Variants in LHFPL4 observed in about 807,000 individuals in gnomAD.
LHFPL4 encodes LHFPL tetraspan subfamily member 4 protein.
LHFPL4 carries 6 observed loss-of-function variants against 20.0 expected under a neutral mutation model. The observed-to-expected ratio is 0.30, with a 90% CI of 0.16 to 0.59. The LOEUF (loss-of-function observed/expected upper bound fraction) is 0.59, where lower values mean the gene tolerates loss of function less well. LHFPL4 is among the 20% of genes least tolerant of loss of function. The probability of loss-of-function intolerance (pLI) is 0.88; values close to 1 mark genes in which losing one functional copy is unlikely to be tolerated. For synonymous variants in LHFPL4, 129 were observed against 143.8 expected (o/e 0.90, Z 0.74); for missense variants, 215 against 331.2 (o/e 0.65, Z 2.72).
At chr3:9,545,888 A>G (rs2046508743) in intron 2 of LHFPL4, among the ~76,000 whole-genome samples, 1 of 150,092 alleles carries the variant, frequency 6.7e-6, no homozygotes, top group Admixed American at 6.6e-5. Context: ...CAGCCTGGAC[A>G]ACAGAGCCAG....
At position 9,500,428 on chromosome 3, in the gene LHFPL4, G is replaced by T. The variant is rs1448468843; in HGVS notation, c.*1783C>A. 1.3e-5 allele frequency: 2 copies of T among 152,564 alleles called. No homozygotes were observed. The allele number at this position is 152,564 out of a possible 1,614,324, so 9.5% of individuals were successfully genotyped here. Reference sequence around the variant, plus strand: ...TGCGGGGAGGCTTTGCCCGGGAGGAGTAAGTGGAGGAGTGAAGTCGGGACT... The same window carrying T: ...TGCGGGGAGGCTTTGCCCGGGAGGATTAAGTGGAGGAGTGAAGTCGGGACT... On this transcript the variant is annotated 3_prime_UTR_variant, in exon 4 of 4. Transcript: ENST00000287585.
chr3:9,501,942 G>T lies in LHFPL4; in HGVS notation c.*269C>A. 2.1e-6 allele frequency: 1 copy of T among 479,920 alleles called. No individual in the cohort carries two copies. 29.7% of individuals were successfully genotyped at this position (479,920 alleles called of 1,614,324 possible). A position where few individuals can be genotyped will look rare whatever the true frequency, so the allele number is the denominator to read the frequency against. ...CCAGGCCAGTCTAGAGAGGAGAGGA[G>T]AAGCCCAAGGGCCTACGCAGATGCA... On this transcript the variant is annotated 3_prime_UTR_variant, in exon 4 of 4. Coordinates refer to ENST00000287585, the MANE Select transcript of LHFPL4 (RefSeq NM_198560.3).
chr3:9,543,730 T>TG lies in LHFPL4; in HGVS notation c.406+8543_406+8544insC, dbSNP rs1457169827. ...GTGATTTGTTTGTTTTTGGTTTTGG[T>TG]TTTTTTTTTTTTTTTTTTGAGTCAA... On this transcript the variant is annotated intron_variant, in intron 2 of 3. Transcript: ENST00000287585. 2.1e-3 allele frequency among the ~76,000 whole-genome samples: 3 copies of TG among 1,396 alleles called. No homozygotes were observed. The African/African-American group carries it at 0.054, about 25-fold the overall frequency. 0.9% of individuals were successfully genotyped at this position (1,396 alleles called of 152,430 possible).
intron 2 of LHFPL4, among the ~76,000 whole-genome samples, chr3:9,529,496 A>T (rs2046395997): frequency 6.6e-6 from 1 of 152,150 alleles, no homozygotes; most frequent in Non-Finnish European, 1.5e-5. Flanking sequence ...TTACTCCTTG[A>T]CTCATGGGCT....
intron 2 of LHFPL4, among the ~76,000 whole-genome samples, chr3:9,514,976 T>G (rs1263281790): frequency 6.6e-6 from 1 of 152,286 alleles, no homozygotes; most frequent in African/African-American, 2.4e-5. Flanking sequence ...TATGTGGAGG[T>G]TTTGGTGTAG....
At chr3:9,548,672 C>T (rs573780144) in intron 2 of LHFPL4, among the ~76,000 whole-genome samples, 1 of 152,316 alleles carries the variant, frequency 6.6e-6, no homozygotes, top group Admixed American at 6.5e-5. Flanking sequence ...TTGTCTTGCC[C>T]ATGCTACCCC....
intron 3 of LHFPL4, among the ~76,000 whole-genome samples, chr3:9,502,906 G>A (rs962190901): frequency 1.3e-5 from 2 of 152,120 alleles, no homozygotes; most frequent in African/African-American, 4.8e-5. Flanking sequence ...GACAGCCAAG[G>A]ACTTGGCAGT....
chr3:9,505,998 C>T lies in LHFPL4; in HGVS notation c.612G>A (p.Leu204=). 14 of 1,614,232 alleles carry T rather than the reference C, an allele frequency of 8.7e-6. No homozygotes were observed. Among genetic ancestry groups the T allele is most frequent in the Non-Finnish European group, 1.2e-5 (14 of 1,180,042 alleles). ...TCTCCGGCTTGAGCTCCTCCTGCAGCAGGTCTGTTTGCCGGTTGCCCAGCA... is the reference window on the plus strand; with the variant it reads ...TCTCCGGCTTGAGCTCCTCCTGCAGTAGGTCTGTTTGCCGGTTGCCCAGCA... ...AFVLGNRQTD[L]LQEELKPENK... is the part of the protein sequence containing the mutation. The change falls in exon 3 of 4, where the codon CTG becomes CTA. Residue 204 remains leucine, a synonymous_variant. Coordinates refer to ENST00000287585, the MANE Select transcript of LHFPL4 (RefSeq NM_198560.3).
At chr3:9,535,112 G>A (rs1282458447) in intron 2 of LHFPL4, among the ~76,000 whole-genome samples, 3 of 152,150 alleles carry the variant, frequency 2.0e-5, no homozygotes, top group African/African-American at 7.2e-5. Flanking sequence ...AGTATACTGA[G>A]GAAGGTTTAA....
At chr3:9,546,907 G>C (rs755534855) in intron 2 of LHFPL4, among the ~76,000 whole-genome samples, 3 of 152,224 alleles carry the variant, frequency 2.0e-5, no homozygotes, top group Non-Finnish European at 2.9e-5. Flanking sequence ...GAGAAACTGA[G>C]ATTCAGAGAG....
At chr3:9,530,803 C>T (rs918366585) in intron 2 of LHFPL4, among the ~76,000 whole-genome samples, 1 of 151,972 alleles carries the variant, frequency 6.6e-6, no homozygotes, top group East Asian at 1.9e-4. Flanking sequence ...TACTATGTTG[C>T]CCAGGCTGGT....
intron 2 of LHFPL4, among the ~76,000 whole-genome samples, chr3:9,509,732 A>C (rs1245410518): frequency 6.6e-6 from 1 of 152,240 alleles, no homozygotes; most frequent in Non-Finnish European, 1.5e-5. Flanking sequence ...GGGAAATATC[A>C]GAAGTCAAAC....
At position 9,499,091 on chromosome 3, in the gene LHFPL4, G is replaced by A. The variant is rs937467895; in HGVS notation, c.*3120C>T. 1 of 153,516 alleles carries A rather than the reference G, an allele frequency of 6.5e-6. No homozygotes were observed. The highest frequency in any genetic ancestry group is 6.5e-5 in the Admixed American group (1 of 15,286). 9.5% of individuals were successfully genotyped at this position (153,516 alleles called of 1,614,324 possible). ...ACAGTTAGGGGGGTCACAGTTAGGG[G>A]GGGACTTCTCTTGGGACCTGAAGCC... On this transcript the variant is annotated 3_prime_UTR_variant, in exon 4 of 4. Coordinates refer to ENST00000287585, the MANE Select transcript of LHFPL4 (RefSeq NM_198560.3).
chr3:9,516,834 C>T (rs551117345), intron 2 of LHFPL4, among the ~76,000 whole-genome samples: 203 of 134,918 alleles, frequency 1.5e-3, no homozygotes, highest in African/African-American at 5.7e-3. Context: ...GGCTGGAGTG[C>T]AGTAGCTCAA....
chr3:9,545,966 T>C (rs946079428), intron 2 of LHFPL4, among the ~76,000 whole-genome samples: 21 of 151,920 alleles, frequency 1.4e-4, no homozygotes, highest in African/African-American at 4.6e-4. Context: ...TTCTATGCCA[T>C]AGTGATGGGA....
At chr3:9,550,468 G>A (rs998323390) in intron 2 of LHFPL4, 2 of 152,172 alleles carry the variant, frequency 1.3e-5, no homozygotes, top group Admixed American at 6.5e-5. Flanking sequence ...AGGGGGAGGG[G>A]AAGGTGGGAT....
At chr3:9,523,426 T>C (rs1015471490) in intron 2 of LHFPL4, among the ~76,000 whole-genome samples, 4 of 149,030 alleles carry the variant, frequency 2.7e-5, no homozygotes, top group Admixed American at 6.7e-5. Flanking sequence ...AAGAAAAGTC[T>C]GTTTGTTTGT....
At chr3:9,505,906 TCCTGCCTCCCAGGACCAGG>T (rs1275862406) in intron 3 of LHFPL4, 42 bp downstream of exon 3, 16 of 1,462,094 alleles carry the variant, frequency 1.1e-5, no homozygotes, top group Non-Finnish European at 1.4e-5. Flanking sequence ...TTTGAAATTA[TCCTGCCTCCCAGGACCAGG>T]CCTGGCTCCC....
At chr3:9,519,074 A>G (rs1285212169) in intron 2 of LHFPL4, among the ~76,000 whole-genome samples, 1 of 152,072 alleles carries the variant, frequency 6.6e-6, no homozygotes, top group East Asian at 1.9e-4. Flanking sequence ...AGTAGCTGGG[A>G]TTACAGGCGC....
Sources: gnomAD v4.1 joint callset for allele counts (sites outside exome capture counted in the v4.1 genomes callset) on GRCh38, gnomAD v4.1.1 for gene constraint, MANE v1.5 for transcripts, NCBI Gene and HGNC (gene_info 2026-07-23, HGNC 2026-07-21) for gene names.